Variants in ADARB2 observed in about 807,000 individuals in gnomAD.
ADARB2 encodes inactive double-stranded RNA-specific editase B2.
ADARB2 carries 25 observed loss-of-function variants against 62.2 expected under a neutral mutation model. The observed-to-expected ratio is 0.40, with a 90% CI of 0.29 to 0.56. ADARB2 has a LOEUF of 0.56. Ranked by LOEUF, ADARB2 falls within the 20% of genes least tolerant of loss-of-function variation. The pLI is 0.43. For missense variants in ADARB2, 1,071 were observed against 1,077.4 expected (o/e 0.99, Z 0.08); for synonymous variants, 572 against 500.8 (o/e 1.14, Z -1.90).
At chr10:1,365,634 A>C (rs1169964962) in intron 2 of ADARB2, among the ~76,000 whole-genome samples, 2 of 152,192 alleles carry the variant, frequency 1.3e-5, no homozygotes, top group Admixed American at 1.3e-4. Flanking sequence ...GTAATGTCGC[A>C]GTGTTTTCAG....
At chr10:1,304,479 C>A (rs1831606730) in intron 3 of ADARB2, among the ~76,000 whole-genome samples, 1 of 152,102 alleles carries the variant, frequency 6.6e-6, no homozygotes, top group Non-Finnish European at 1.5e-5. Flanking sequence ...GACAGAAAGT[C>A]AACAAGGATA....
intron 1 of ADARB2, among the ~76,000 whole-genome samples, chr10:1,591,677 A>ACACACACG (rs1256019835): frequency 2.7e-5 from 4 of 150,536 alleles, no homozygotes; most frequent in Non-Finnish European, 4.4e-5. Flanking sequence ...ACACACACAC[A>ACACACACG]CGCACACACT....
chr10:1,271,009 G>A lies in ADARB2; in HGVS notation c.1138C>T (p.Leu380Phe), dbSNP rs2131798876. The A allele has an allele frequency of 6.2e-7, 1 of 1,613,716 alleles. No homozygotes were observed. The highest frequency in any genetic ancestry group is 2.2e-5 in the East Asian group (1 of 44,852). Residue 380 changes from leucine to phenylalanine, a missense_variant, in exon 4 of 10, where the codon CTC (leucine) becomes TTC (phenylalanine). Leu to Phe is a conservative substitution (Grantham distance 22, BLOSUM62 0). Transcript: ENST00000381312. The part of the protein sequence containing the change: ...TQKFREVTTD[L>F]TPMHARHKAL... ...TTATGGCGGGCGTGCATGGGCGTGAGGTCCGTCGTCACCTCGCGGAACTTC... is the reference window on the plus strand; with the variant it reads ...TTATGGCGGGCGTGCATGGGCGTGAAGTCCGTCGTCACCTCGCGGAACTTC...
chr10:1,182,588 G>A lies in ADARB2; in HGVS notation c.*605C>T, dbSNP rs1236063423. The stretch of plus-strand genomic sequence containing the variant: ...TGGAAACTGTTCCTTCACTTTGTGG[G>A]AATGGCTTTCGTTTCTCTGGTTCTA... On this transcript the variant is annotated 3_prime_UTR_variant, in exon 10 of 10. Coordinates refer to ENST00000381312, the MANE Select transcript of ADARB2 (RefSeq NM_018702.4). 6.6e-6 allele frequency: 1 copy of A among 152,504 alleles called. No homozygotes were observed. Among genetic ancestry groups the A allele is most frequent in the Non-Finnish European group, 1.5e-5 (1 of 68,220 alleles). 9.4% of individuals were successfully genotyped at this position (152,504 alleles called of 1,614,324 possible). A position where few individuals can be genotyped will look rare whatever the true frequency, so the allele number is the denominator to read the frequency against.
At chr10:1,234,273 G>A (rs1163351311) in intron 5 of ADARB2, among the ~76,000 whole-genome samples, 2 of 151,886 alleles carry the variant, frequency 1.3e-5, no homozygotes, top group African/African-American at 4.8e-5. Context: ...ACAGGTGTGA[G>A]CCGCTGCGCC....
At chr10:1,681,484 T>C (rs1403739332) in intron 1 of ADARB2, among the ~76,000 whole-genome samples, 1 of 144,096 alleles carries the variant, frequency 6.9e-6, no homozygotes, top group Non-Finnish European at 1.5e-5. Context: ...TTAAAAAATA[T>C]TAAAAAAAAA....
intron 8 of ADARB2, among the ~76,000 whole-genome samples, chr10:1,195,255 A>G (rs1836894027): frequency 6.6e-6 from 1 of 152,092 alleles, no homozygotes; most frequent in Non-Finnish European, 1.5e-5. Context: ...GCCACCAAGG[A>G]GAATTGCAGG....
chr10:1,607,811 G>A (rs1404815157), intron 1 of ADARB2, among the ~76,000 whole-genome samples: 3 of 152,228 alleles, frequency 2.0e-5, no homozygotes, highest in African/African-American at 7.2e-5. Flanking sequence ...CACTGGACAT[G>A]ACGCGGCTGA....
At chr10:1,718,716 A>G (rs1264617416) in intron 1 of ADARB2, among the ~76,000 whole-genome samples, 1 of 152,146 alleles carries the variant, frequency 6.6e-6, no homozygotes, top group Non-Finnish European at 1.5e-5. Flanking sequence ...CCCAGTTGAC[A>G]GGCAGAGGCC....
At chr10:1,628,191 C>A (rs1302278269) in intron 1 of ADARB2, among the ~76,000 whole-genome samples, 14 of 152,250 alleles carry the variant, frequency 9.2e-5, no homozygotes, top group Admixed American at 7.2e-4. Context: ...TCTGGCCTCC[C>A]TGGCATGCTT....
At chr10:1,544,956 TACACACACAC>T (rs1554770300) in intron 1 of ADARB2, among the ~76,000 whole-genome samples, 1 of 133,844 alleles carries the variant, frequency 7.5e-6, no homozygotes. Flanking sequence ...TAGCAAAGTA[TACACACACAC>T]ACACACACAC....
At chr10:1,529,382 G>A (rs189145006) in intron 1 of ADARB2, among the ~76,000 whole-genome samples, 9 of 152,172 alleles carry the variant, frequency 5.9e-5, no homozygotes, top group Admixed American at 2.6e-4. Context: ...CCAACACTGC[G>A]AGTCCCCCAC....
chr10:1,203,372 C>G (rs1042306468), intron 7 of ADARB2, among the ~76,000 whole-genome samples: 2 of 152,186 alleles, frequency 1.3e-5, no homozygotes, highest in Non-Finnish European at 2.9e-5. Context: ...CTCAGGCTGT[C>G]CCTGCAGGTG....
rs2131982158 is a variant in ADARB2 at position 1,556,033 on chromosome 10, G to C, written c.101-176873C>G. Among the ~76,000 whole-genome samples the C allele has an allele frequency of 2.6e-5, 4 of 152,280 alleles. No homozygotes were observed. The Middle Eastern group carries it at 0.014, about 518-fold the overall frequency. ...AACATAAGAAATTGTGTTTTTCTTT[G>C]TCTGTCTTTCATATATTCTGAATTA... On this transcript the variant is annotated intron_variant, in intron 1 of 9. Coordinates refer to ENST00000381312, the MANE Select transcript of ADARB2 (RefSeq NM_018702.4).
At chr10:1,672,735 G>GCTCCTGCCTCCCTCCACGCACCGCAAGT (rs141051793) in intron 1 of ADARB2, among the ~76,000 whole-genome samples, 1 of 146,870 alleles carries the variant, frequency 6.8e-6, no homozygotes, top group Non-Finnish European at 1.5e-5. Context: ...GCACCGCAAG[G>GCTCCTGCCTCCCTCCACGCACCGCAAGT]CTCCTGCCTC....
chr10:1,509,667 G>A (rs181671478), intron 1 of ADARB2, among the ~76,000 whole-genome samples: 2 of 152,326 alleles, frequency 1.3e-5, no homozygotes, highest in East Asian at 1.9e-4. Flanking sequence ...AAAAGGATGT[G>A]TAAGTGGCAC....
chr10:1,570,334 C>A (rs190166074), intron 1 of ADARB2, among the ~76,000 whole-genome samples: 202 of 152,318 alleles, frequency 1.3e-3, no homozygotes, highest in Middle Eastern at 6.8e-3. Context: ...TCCCCCTTGG[C>A]GGTTGCTACC....
chr10:1,337,341 G>A (rs917530473), intron 3 of ADARB2, among the ~76,000 whole-genome samples: 3 of 152,178 alleles, frequency 2.0e-5, no homozygotes, highest in African/African-American at 7.2e-5. Flanking sequence ...CAGAGAAGGT[G>A]CACACTCACC....
intron 1 of ADARB2, among the ~76,000 whole-genome samples, chr10:1,655,672 TA>T (rs559692568): frequency 0.015 from 2,130 of 145,892 alleles, 20 homozygotes; most frequent in East Asian, 0.048. Flanking sequence ...AAAGTGGAAT[TA>T]AAAAAAAAAA....
Sources: allele counts gnomAD v4.1 joint callset (sites outside exome capture counted in the v4.1 genomes callset), GRCh38; gene constraint gnomAD v4.1.1; transcripts MANE v1.5; gene names NCBI Gene and HGNC (gene_info 2026-07-23, HGNC 2026-07-21).